The following LINGO2 variants were observed in gnomAD, a reference collection of about 807,000 sequenced individuals.
LINGO2 encodes leucine rich repeat and Ig domain containing 2, also known as leucine-rich repeat and immunoglobulin-like domain-containing nogo receptor-interacting protein 2.
Under a neutral mutation model 30.6 loss-of-function variants are expected in LINGO2, and 14 were observed. The observed-to-expected ratio is 0.46, with a 90% CI of 0.30 to 0.72. The LOEUF (loss-of-function observed/expected upper bound fraction) is 0.72, where lower values mean the gene tolerates loss of function less well. LINGO2 is among the 30% of genes least tolerant of loss of function. The probability of loss-of-function intolerance (pLI) is 0.07; values close to 1 mark genes in which losing one functional copy is unlikely to be tolerated. For missense variants in LINGO2, 729 were observed against 751.7 expected (o/e 0.97, Z 0.35); for synonymous variants, 317 against 288.5 (o/e 1.10, Z -1.00).
the LINGO2 span, among the ~76,000 whole-genome samples, chr9:28,983,904 C>T: frequency 1.3e-5 from 2 of 151,990 alleles, no homozygotes; most frequent in African/African-American, 4.8e-5. Flanking sequence ...ATACCTTGCT[C>T]CTCAGTCTAT....
At chr9:28,477,417 G>A (rs1825773878) in intron 1 of LINGO2, among the ~76,000 whole-genome samples, 1 of 152,116 alleles carries the variant, frequency 6.6e-6, no homozygotes, top group African/African-American at 2.4e-5. Flanking sequence ...GGTAGGATTT[G>A]AACTTTTTCA....
chr9:29,186,191 T>C, the LINGO2 span, among the ~76,000 whole-genome samples: 1 of 152,292 alleles, frequency 6.6e-6, no homozygotes, highest in Admixed American at 6.5e-5. Context: ...AAACTGTAGA[T>C]AACCAACACC....
the LINGO2 span, among the ~76,000 whole-genome samples, chr9:28,688,147 C>T: frequency 6.6e-6 from 1 of 152,254 alleles, no homozygotes; most frequent in East Asian, 1.9e-4. Flanking sequence ...TTGCTGCAGG[C>T]TACAGTAAAC....
chr9:28,533,791 T>C (rs757097089), intron 1 of LINGO2, among the ~76,000 whole-genome samples: 5 of 152,170 alleles, frequency 3.3e-5, no homozygotes, highest in Non-Finnish European at 7.4e-5. Context: ...GAACAGTACC[T>C]GAATTAAAAG....
At chr9:28,276,782 G>T (rs569921735) in intron 4 of LINGO2, among the ~76,000 whole-genome samples, 2 of 152,066 alleles carry the variant, frequency 1.3e-5, no homozygotes, top group Non-Finnish European at 2.9e-5. Context: ...GGGATAAAAT[G>T]CATCTATCCC....
chr9:28,182,895 G>A (rs754767983), intron 4 of LINGO2, among the ~76,000 whole-genome samples: 4 of 152,160 alleles, frequency 2.6e-5, no homozygotes, highest in Non-Finnish European at 4.4e-5. Context: ...AGAAGACAGT[G>A]TGGCGATTCC....
At chr9:28,299,551 T>A (rs1214720673) in intron 3 of LINGO2, among the ~76,000 whole-genome samples, 1 of 152,152 alleles carries the variant, frequency 6.6e-6, no homozygotes, top group Non-Finnish European at 1.5e-5. Flanking sequence ...ATGTTGTTGC[T>A]ATCTATTTTA....
At chr9:28,454,753 G>A (rs1171041561) in intron 2 of LINGO2, among the ~76,000 whole-genome samples, 1 of 151,886 alleles carries the variant, frequency 6.6e-6, no homozygotes, top group East Asian at 1.9e-4. Flanking sequence ...CTTTAAATAG[G>A]TTTTTGCACT....
intron 3 of LINGO2, among the ~76,000 whole-genome samples, chr9:28,344,411 T>C (rs1819488087): frequency 6.6e-6 from 1 of 152,088 alleles, no homozygotes; most frequent in Admixed American, 6.6e-5. Context: ...GTAAACAGTA[T>C]AACAGTAAAA....
At chr9:28,042,965 A>G (rs546069589) in intron 4 of LINGO2, among the ~76,000 whole-genome samples, 1 of 152,352 alleles carries the variant, frequency 6.6e-6, no homozygotes, top group East Asian at 1.9e-4. Context: ...AAACATTTCT[A>G]AAGAAAACAG....
the LINGO2 span, among the ~76,000 whole-genome samples, chr9:29,108,300 G>C: frequency 1.3e-5 from 2 of 152,136 alleles, no homozygotes; most frequent in Non-Finnish European, 2.9e-5. Flanking sequence ...TGGAAGACTA[G>C]ATAACTAGAA....
chr9:29,056,165 T>C, the LINGO2 span, among the ~76,000 whole-genome samples: 1 of 151,986 alleles, frequency 6.6e-6, no homozygotes, highest in Admixed American at 6.6e-5. Context: ...GGTAGTTCTT[T>C]AAGGAATCTC....
At chr9:27,953,287 T>C (rs754059976) in intron 5 of LINGO2, among the ~76,000 whole-genome samples, 3 of 152,212 alleles carry the variant, frequency 2.0e-5, no homozygotes, top group Non-Finnish European at 2.9e-5. Context: ...TTCCTATTTC[T>C]AGAAATGTAT....
chr9:28,663,954 C>CT (rs1185197108), intron 1 of LINGO2, among the ~76,000 whole-genome samples: 1 of 151,648 alleles, frequency 6.6e-6, no homozygotes, highest in East Asian at 1.9e-4. Flanking sequence ...TATTTAAGTC[C>CT]CTTATTAAGA....
At chr9:28,434,127 C>T (rs1243573873) in intron 2 of LINGO2, among the ~76,000 whole-genome samples, 1 of 151,404 alleles carries the variant, frequency 6.6e-6, no homozygotes, top group African/African-American at 2.4e-5. Context: ...TATGTTCTCA[C>T]TTACAAGTGG....
At chr9:28,719,511 T>C in the LINGO2 span, among the ~76,000 whole-genome samples, 11 of 152,188 alleles carry the variant, frequency 7.2e-5, no homozygotes, top group African/African-American at 2.6e-4. Flanking sequence ...ATCCTCATCC[T>C]ATTTGACTTC....
the LINGO2 span, among the ~76,000 whole-genome samples, chr9:28,942,772 G>T: frequency 6.6e-6 from 1 of 152,006 alleles, no homozygotes; most frequent in African/African-American, 2.4e-5. Flanking sequence ...ACACTTATTT[G>T]TCTTCCCTAT....
the LINGO2 span, among the ~76,000 whole-genome samples, chr9:28,834,113 T>C: frequency 4.6e-5 from 7 of 152,056 alleles, no homozygotes; most frequent in Non-Finnish European, 1.0e-4. Flanking sequence ...TAGGTAGATT[T>C]AGAGAAAACA....
intron 1 of LINGO2, among the ~76,000 whole-genome samples, chr9:28,666,209 A>G (rs1177995390): frequency 6.6e-6 from 1 of 151,952 alleles, no homozygotes; most frequent in African/African-American, 2.4e-5. Context: ...ACTTTTTAAG[A>G]ATGTATTCAT....
Sources: gnomAD v4.1 joint callset for allele counts (sites outside exome capture counted in the v4.1 genomes callset) on GRCh38, gnomAD v4.1.1 for gene constraint, MANE v1.5 for transcripts, NCBI Gene and HGNC (gene_info 2026-07-23, HGNC 2026-07-21) for gene names.